Variants in CHST11 observed in about 807,000 individuals in gnomAD.
CHST11 encodes the protein carbohydrate sulfotransferase 11.
A neutral mutation model predicts 30.4 loss-of-function variants in CHST11; 9 were observed. The ratio of observed to expected loss-of-function variants is 0.30; its 90% CI spans 0.18 to 0.52. The LOEUF is 0.52. Ranked by LOEUF, CHST11 falls within the 20% of genes least tolerant of loss-of-function variation. The pLI, the probability that CHST11 is intolerant of heterozygous loss-of-function variation, is 0.97. For missense variants in CHST11, 348 were observed against 460.6 expected (o/e 0.76, Z 2.24); for synonymous variants, 152 against 187.8 (o/e 0.81, Z 1.56).
chr12:104,464,588 C>T (rs989065177), intron 1 of CHST11, among the ~76,000 whole-genome samples: 3 of 152,256 alleles, frequency 2.0e-5, no homozygotes, highest in Admixed American at 6.5e-5. Flanking sequence ...ACTGCATCCT[C>T]GAACTCCTGG....
intron 2 of CHST11, among the ~76,000 whole-genome samples, chr12:104,629,348 T>C (rs1263785283): frequency 1.3e-5 from 2 of 152,196 alleles, no homozygotes; most frequent in Admixed American, 1.3e-4. Flanking sequence ...GAAGCTCACA[T>C]GGTTGTTGGC....
intron 2 of CHST11, among the ~76,000 whole-genome samples, chr12:104,675,219 G>C (rs1303781419): frequency 6.6e-6 from 1 of 152,164 alleles, no homozygotes; most frequent in African/African-American, 2.4e-5. Flanking sequence ...GACGATAGTC[G>C]TCATTATTTT....
At chr12:104,504,989 G>C (rs1728577800) in intron 1 of CHST11, among the ~76,000 whole-genome samples, 1 of 152,174 alleles carries the variant, frequency 6.6e-6, no homozygotes, top group African/African-American at 2.4e-5. Context: ...ATGCAGAGGT[G>C]CAAGTCTGTG....
chr12:104,543,368 C>T (rs1341439410), intron 1 of CHST11, among the ~76,000 whole-genome samples: 1 of 152,206 alleles, frequency 6.6e-6, no homozygotes, highest in African/African-American at 2.4e-5. Flanking sequence ...GACAAACCAT[C>T]CAAACTGTGT....
intron 1 of CHST11, among the ~76,000 whole-genome samples, chr12:104,538,576 T>C (rs1338845056): frequency 2.6e-5 from 4 of 152,230 alleles, no homozygotes; most frequent in African/African-American, 9.6e-5. Flanking sequence ...TGCCCATCCA[T>C]ACCTTTTTTC....
intron 1 of CHST11, among the ~76,000 whole-genome samples, chr12:104,565,624 A>G (rs1169199196): frequency 6.6e-6 from 1 of 152,086 alleles, no homozygotes; most frequent in Non-Finnish European, 1.5e-5. Flanking sequence ...GGAGGCCCCC[A>G]GCACTAAGAC....
intron 2 of CHST11, among the ~76,000 whole-genome samples, chr12:104,751,132 T>A (rs1438432898): frequency 6.6e-6 from 1 of 152,232 alleles, no homozygotes. Context: ...TAAAATGATA[T>A]GCTGGTGTCA....
At chr12:104,681,834 T>C (rs950655909) in intron 2 of CHST11, among the ~76,000 whole-genome samples, 2 of 137,666 alleles carry the variant, frequency 1.5e-5, no homozygotes, top group African/African-American at 5.4e-5. Context: ...GCTTTTTTTT[T>C]TTTTTTTTTT....
At chr12:104,463,505 T>C (rs2037429258) in intron 1 of CHST11, among the ~76,000 whole-genome samples, 1 of 152,208 alleles carries the variant, frequency 6.6e-6, no homozygotes, top group Non-Finnish European at 1.5e-5. Context: ...TCTTTTCCTT[T>C]CTTCTACTCT....
chr12:104,679,761 A>G (rs1485982655), intron 2 of CHST11, among the ~76,000 whole-genome samples: 1 of 152,192 alleles, frequency 6.6e-6, no homozygotes, highest in Non-Finnish European at 1.5e-5. Flanking sequence ...GCACAGAGAA[A>G]GACGCAATGG....
At chr12:104,547,590 C>T (rs777485351) in intron 1 of CHST11, among the ~76,000 whole-genome samples, 17 of 152,086 alleles carry the variant, frequency 1.1e-4, no homozygotes, top group Non-Finnish European at 2.2e-4. Flanking sequence ...TAGCACAAGA[C>T]GGCATAGCTG....
At chr12:104,460,185 TCTCTCCAGATCACC>T (rs1439736235) in intron 1 of CHST11, among the ~76,000 whole-genome samples, 5 of 152,166 alleles carry the variant, frequency 3.3e-5, no homozygotes, top group African/African-American at 1.2e-4. Flanking sequence ...GCAGTTTCTG[TCTCTCCAGATCACC>T]CTGGGAGAGG....
chr12:104,700,078 C>T (rs1022560524), intron 2 of CHST11, among the ~76,000 whole-genome samples: 1 of 152,124 alleles, frequency 6.6e-6, no homozygotes, highest in African/African-American at 2.4e-5. Flanking sequence ...TCTAGAAATA[C>T]CAGATTAAAC....
At chr12:104,614,692 C>CTT (rs5800628) in intron 2 of CHST11, among the ~76,000 whole-genome samples, 1 of 97,310 alleles carries the variant, frequency 1.0e-5, no homozygotes, top group Non-Finnish European at 2.1e-5. Flanking sequence ...TGCATGCATG[C>CTT]TTGTGTGTGT....
chr12:104,465,496 A>G (rs1057179850), intron 1 of CHST11, among the ~76,000 whole-genome samples: 1 of 152,176 alleles, frequency 6.6e-6, no homozygotes, highest in Non-Finnish European at 1.5e-5. Flanking sequence ...AGCTGTCATG[A>G]CTTTGTCATT....
At chr12:104,583,746 T>A (rs1057416106) in intron 1 of CHST11, among the ~76,000 whole-genome samples, 14 of 149,216 alleles carry the variant, frequency 9.4e-5, no homozygotes, top group African/African-American at 2.8e-4. Context: ...GGAGTCTCAC[T>A]CTGTCGCCCA....
At chr12:104,607,987 T>G (rs1234356355) in intron 2 of CHST11, among the ~76,000 whole-genome samples, 1 of 152,152 alleles carries the variant, frequency 6.6e-6, no homozygotes, top group Admixed American at 6.5e-5. Flanking sequence ...GATCAGTGTT[T>G]ATCAAGCCTG....
intron 1 of CHST11, among the ~76,000 whole-genome samples, chr12:104,539,046 A>G (rs1049369465): frequency 1.3e-5 from 2 of 152,226 alleles, no homozygotes; most frequent in Non-Finnish European, 2.9e-5. Context: ...AGTGTTGCCC[A>G]AGGTTACACA....
At chr12:104,532,361 G>A (rs375164557) in intron 1 of CHST11, among the ~76,000 whole-genome samples, 2 of 140,280 alleles carry the variant, frequency 1.4e-5, no homozygotes, top group African/African-American at 5.2e-5. Context: ...ACGGTGTATT[G>A]GTTCCTAGGT....
Sources: gnomAD v4.1 joint callset for allele counts (sites outside exome capture counted in the v4.1 genomes callset) on GRCh38, gnomAD v4.1.1 for gene constraint, MANE v1.5 for transcripts, NCBI Gene and HGNC (gene_info 2026-07-23, HGNC 2026-07-21) for gene names.